Variants in WDR64 observed in about 807,000 individuals in gnomAD.
WDR64 encodes the protein WD repeat domain 64.
WDR64 carries 112 observed loss-of-function variants against 139.3 expected under a neutral mutation model. The observed-to-expected ratio is 0.80, with a 90% confidence interval of 0.69 to 0.94. The LOEUF (loss-of-function observed/expected upper bound fraction) is 0.94, where lower values mean the gene tolerates loss of function less well. WDR64 is among the 40% of genes least tolerant of loss of function. WDR64 has a pLI of 0.00. For synonymous variants in WDR64, 444 were observed against 437.7 expected (o/e 1.01, Z -0.18); for missense variants, 1,206 against 1,293.1 (o/e 0.93, Z 1.03).
intron 13 of WDR64, among the ~76,000 whole-genome samples, chr1:241,745,758 T>C (rs974584708): frequency 2.6e-5 from 4 of 152,020 alleles, no homozygotes; most frequent in Admixed American, 1.3e-4. Context: ...GCCCTCTCTG[T>C]TAAATTGACA....
intron 11 of WDR64, 58 bp from the exon 12 acceptor site, chr1:241,741,458 C>T: frequency 6.6e-7 from 1 of 1,504,930 alleles, no homozygotes; most frequent in Non-Finnish European, 8.9e-7. Flanking sequence ...GGCTGAAACC[C>T]TTTGTGATTA....
At chr1:241,748,303 G>A (rs768073018) in intron 13 of WDR64, among the ~76,000 whole-genome samples, 1 of 152,178 alleles carries the variant, frequency 6.6e-6, no homozygotes, top group Non-Finnish European at 1.5e-5. Context: ...GAGGACTGGG[G>A]GTTTTTCAAC....
At chr1:241,744,095 CTA>C (rs2148250397) in intron 12 of WDR64, among the ~76,000 whole-genome samples, 1 of 152,328 alleles carries the variant, frequency 6.6e-6, no homozygotes, top group East Asian at 1.9e-4. Context: ...TGTTCCATTT[CTA>C]ACCTTGCTTC....
In WDR64 at chr1:241,687,462, G is replaced by A. The variant is rs1326145163; in HGVS notation, c.841G>A (p.Val281Ile). The stretch of plus-strand genomic sequence containing the variant: ...CCCCTGCCTTTTCTTAATCCCCAGT[G>A]TTAAAAGGAAGCTACATAATGACTG... ...QVLDSKNFKSVKRKLHNDWVM... is the reference protein window; with the variant it reads ...QVLDSKNFKSIKRKLHNDWVM... The change falls in exon 8 of 28, where the codon GTT (valine) becomes ATT (isoleucine). Residue 281 changes from valine (V) to isoleucine (I), a missense_variant and splice_region_variant. Val to Ile is a conservative substitution (Grantham distance 29). Coordinates refer to ENST00000437684, the MANE Select transcript of WDR64 (RefSeq NM_001367482.1). 1 of 1,613,690 alleles carries A rather than the reference G, an allele frequency of 6.2e-7. No homozygotes were observed. Among genetic ancestry groups the A allele is most frequent in the Non-Finnish European group, 8.5e-7 (1 of 1,179,862 alleles).
intron 22 of WDR64, among the ~76,000 whole-genome samples, chr1:241,780,552 C>T (rs144052255): frequency 2.8e-4 from 42 of 152,070 alleles, no homozygotes; most frequent in Middle Eastern, 6.8e-3. Context: ...TAGCATAGCC[C>T]TATTTTTCTT....
chr1:241,688,510 C>G (rs1667094439), intron 8 of WDR64, among the ~76,000 whole-genome samples: 1 of 152,140 alleles, frequency 6.6e-6, no homozygotes, highest in Non-Finnish European at 1.5e-5. Flanking sequence ...CTCCTGGCTG[C>G]CTTCCAGTCT....
chr1:241,655,250 AC>A (rs2148048082), intron 1 of WDR64, among the ~76,000 whole-genome samples: 1 of 152,080 alleles, frequency 6.6e-6, no homozygotes, highest in Non-Finnish European at 1.5e-5. Flanking sequence ...GGGCATGGTG[AC>A]GTGTGCCTGT....
At chr1:241,675,254 TCCTC>T (rs1259029898) in intron 4 of WDR64, among the ~76,000 whole-genome samples, 5 of 91,686 alleles carry the variant, frequency 5.5e-5, no homozygotes, top group Non-Finnish European at 1.2e-4. Flanking sequence ...CCTCCTTCCT[TCCTC>T]CCTCCCTTCC....
intron 27 of WDR64, among the ~76,000 whole-genome samples, chr1:241,800,262 G>C (rs574982283): frequency 4.6e-5 from 7 of 152,100 alleles, no homozygotes; most frequent in African/African-American, 1.7e-4. Flanking sequence ...TAAAGGATCC[G>C]TAAGTGGTTG....
At chr1:241,739,219 AGACAT>A (rs1294817932) in intron 11 of WDR64, among the ~76,000 whole-genome samples, 1 of 152,232 alleles carries the variant, frequency 6.6e-6, no homozygotes, top group African/African-American at 2.4e-5. Flanking sequence ...GGGCCCTGCT[AGACAT>A]CTAGGTTGAG....
Position 241,801,195 on chromosome 1 carries a change from T to C in WDR64, c.3256T>C (p.Phe1086Leu). The C allele has an allele frequency of 6.2e-7, 1 of 1,613,884 alleles. No homozygotes were observed. Among genetic ancestry groups the C allele is most frequent in the South Asian group, 1.1e-5 (1 of 91,046 alleles). Reference sequence around the variant, plus strand: ...ACAAATAAATCTGGCTTCTTCCTTCTTCCCAGCTATACCCAAGTAAGGAGA... The same window carrying C: ...ACAAATAAATCTGGCTTCTTCCTTCCTCCCAGCTATACCCAAGTAAGGAGA... ...VPQINLASSF[F>L]PAIPK The change falls in exon 28 of 28, where the codon TTC becomes CTC. Residue 1086 changes from phenylalanine (F) to leucine (L), a missense_variant. Coordinates refer to ENST00000437684, the MANE Select transcript of WDR64 (RefSeq NM_001367482.1).
intron 1 of WDR64, among the ~76,000 whole-genome samples, chr1:241,653,968 A>G (rs533461731): frequency 6.6e-6 from 1 of 152,266 alleles, no homozygotes; most frequent in Non-Finnish European, 1.5e-5. Context: ...TTTCCTAGTC[A>G]GTTTGTTTTA....
At chr1:241,652,687 G>C (rs1172438723) in intron 1 of WDR64, 58 bp downstream of exon 1, 8 of 1,529,016 alleles carry the variant, frequency 5.2e-6, no homozygotes, top group Non-Finnish European at 3.5e-6. Context: ...ACTGGAAAAT[G>C]TTTTAAGCCA....
rs534177884 is a variant in WDR64, at chr1:241,772,451, C to CTTTTT, written c.2291-316_2291-312dup. Reference sequence around the variant, plus strand: ...AGTATTGCAAATTCCAAGATAGATCCTTTTTTTTTTTTTTTTTTTTTTTTT... The same window carrying CTTTTT: ...AGTATTGCAAATTCCAAGATAGATCCTTTTTTTTTTTTTTTTTTTTTTTTTTTTTT... On this transcript the variant is annotated intron_variant, in intron 19 of 27. Transcript: ENST00000437684. 6.7e-3 allele frequency among the ~76,000 whole-genome samples: 393 copies of CTTTTT among 59,032 alleles called. 86 individuals are homozygous for CTTTTT. Among genetic ancestry groups the CTTTTT allele is most frequent in the African/African-American group, 0.017 (263 of 15,622 alleles). The allele number at this position is 59,032 out of a possible 152,430, so 38.7% of individuals were successfully genotyped here.
At chr1:241,722,687 T>C (rs997123709) in intron 9 of WDR64, among the ~76,000 whole-genome samples, 2 of 152,192 alleles carry the variant, frequency 1.3e-5, no homozygotes, top group Non-Finnish European at 1.5e-5. Flanking sequence ...AACAGTGATT[T>C]CCCACAGGGA....
At chr1:241,783,515 A>G (rs1056910746) in intron 23 of WDR64, 134 bp downstream of exon 23, 123 of 647,044 alleles carry the variant, frequency 1.9e-4, no homozygotes, top group Non-Finnish European at 1.8e-4. Context: ...TAAATAGATG[A>G]CACAAAAGGA....
At chr1:241,705,297 T>G (rs1192465710) in intron 8 of WDR64, among the ~76,000 whole-genome samples, 2 of 151,974 alleles carry the variant, frequency 1.3e-5, no homozygotes, top group East Asian at 3.9e-4. Flanking sequence ...ATCCCAGCAC[T>G]TTGGGAGGCC....
At chr1:241,762,066 G>C (rs1657934692) in intron 15 of WDR64, among the ~76,000 whole-genome samples, 1 of 152,110 alleles carries the variant, frequency 6.6e-6, no homozygotes, top group African/African-American at 2.4e-5. Flanking sequence ...ATTCTTTCTG[G>C]AAAGTTTTCA....
intron 10 of WDR64, among the ~76,000 whole-genome samples, chr1:241,728,657 G>C (rs1574047869): frequency 6.6e-6 from 1 of 152,154 alleles, no homozygotes; most frequent in East Asian, 1.9e-4. Context: ...GTATTGAACA[G>C]ATGTGCCACA....
Sources: allele counts gnomAD v4.1 joint callset (sites outside exome capture counted in the v4.1 genomes callset), GRCh38; gene constraint gnomAD v4.1.1; transcripts MANE v1.5; gene names NCBI Gene and HGNC (gene_info 2026-07-23, HGNC 2026-07-21).